GABBR2: variants seen among roughly 807,000 people sequenced by gnomAD.
The protein encoded by GABBR2 is gamma-aminobutyric acid type B receptor subunit 2.
In GABBR2, 23 loss-of-function variants were observed where a neutral mutation model predicts 105.6. The observed-to-expected ratio is 0.22, with a 90% confidence interval of 0.16 to 0.31. GABBR2 has a LOEUF of 0.31. GABBR2 is among the 10% of genes least tolerant of loss of function. The pLI is 1.00. For synonymous variants in GABBR2, 478 were observed against 499.7 expected (o/e 0.96, Z 0.58); for missense variants, 734 against 1,245.5 (o/e 0.59, Z 6.18).
intron 3 of GABBR2, among the ~76,000 whole-genome samples, chr9:98,504,302 C>T (rs114097790): frequency 0.013 from 1,942 of 152,280 alleles, 43 homozygotes; most frequent in African/African-American, 0.044. Context: ...CCACGTGTCC[C>T]ACACAGAGAA....
chr9:98,629,161 T>C (rs1829784506), intron 1 of GABBR2, among the ~76,000 whole-genome samples: 1 of 152,218 alleles, frequency 6.6e-6, no homozygotes, highest in Non-Finnish European at 1.5e-5. Flanking sequence ...TGAGGTTTAA[T>C]GAGCAAAGGA....
intron 7 of GABBR2, among the ~76,000 whole-genome samples, chr9:98,436,802 A>G (rs1279103458): frequency 6.6e-6 from 1 of 152,188 alleles, no homozygotes; most frequent in Non-Finnish European, 1.5e-5. Context: ...ACAGTAATCA[A>G]GTCTGTCACA....
At chr9:98,575,995 T>C (rs577733514) in intron 2 of GABBR2, among the ~76,000 whole-genome samples, 11 of 152,190 alleles carry the variant, frequency 7.2e-5, no homozygotes, top group Non-Finnish European at 1.5e-4. Context: ...TTCATGCACC[T>C]ACCATAGCAC....
rs1196842685 is a variant in GABBR2, at chr9:98,299,246, C to G, written c.2520G>C (p.Leu840=). 1.9e-6 allele frequency: 3 copies of G among 1,614,100 alleles called. No homozygotes were observed. Among genetic ancestry groups the G allele is most frequent in the Non-Finnish European group, 2.5e-6 (3 of 1,180,026 alleles). The change falls in exon 17 of 19, where the codon CTG becomes CTC. Residue 840 remains leucine, a synonymous_variant. Transcript: ENST00000259455. ...TACCTGTGCTCTCAGTGAAGTTTCCCAGGTTGAGGATGTCATTGAGCTCTT... is the reference window on the plus strand; with the variant it reads ...TACCTGTGCTCTCAGTGAAGTTTCCGAGGTTGAGGATGTCATTGAGCTCTT... ...HYQELNDILN[L]GNFTESTDGG...
intron 3 of GABBR2, among the ~76,000 whole-genome samples, chr9:98,536,556 T>C (rs1481018153): frequency 6.6e-6 from 1 of 151,974 alleles, no homozygotes. Context: ...CCAAGCCCTA[T>C]CTCCCTCCTG....
intron 7 of GABBR2, among the ~76,000 whole-genome samples, chr9:98,414,603 T>C (rs756866551): frequency 6.6e-6 from 1 of 152,140 alleles, no homozygotes; most frequent in Non-Finnish European, 1.5e-5. Flanking sequence ...TATCAAAGGT[T>C]AGAACAAGTG....
At chr9:98,514,794 TATA>T (rs1347601187) in intron 3 of GABBR2, among the ~76,000 whole-genome samples, 1 of 152,068 alleles carries the variant, frequency 6.6e-6, no homozygotes, top group African/African-American at 2.4e-5. Context: ...AAACTTAAAG[TATA>T]ATAATAATAA....
chr9:98,294,692 G>A (rs904932976), intron 17 of GABBR2, among the ~76,000 whole-genome samples: 10 of 152,074 alleles, frequency 6.6e-5, no homozygotes, highest in Non-Finnish European at 1.5e-4. Flanking sequence ...TGGTCAGGGT[G>A]GTCTCGAACT....
intron 1 of GABBR2, among the ~76,000 whole-genome samples, chr9:98,629,940 T>C (rs1207920629): frequency 6.6e-6 from 1 of 152,214 alleles, no homozygotes; most frequent in Non-Finnish European, 1.5e-5. Flanking sequence ...TTCTCCAATC[T>C]ACAAGGTTTT....
At chr9:98,535,802 C>T (rs955653513) in intron 3 of GABBR2, among the ~76,000 whole-genome samples, 5 of 152,086 alleles carry the variant, frequency 3.3e-5, no homozygotes, top group African/African-American at 1.2e-4. Flanking sequence ...CCGTATGATT[C>T]CAACTAAACG....
intron 13 of GABBR2, among the ~76,000 whole-genome samples, chr9:98,340,723 T>G (rs1330815828): frequency 6.6e-6 from 1 of 152,192 alleles, no homozygotes; most frequent in Non-Finnish European, 1.5e-5. Context: ...AGCACCCTGA[T>G]GATGAACCAT....
chr9:98,390,375 C>CAAAAAAAAAAAAAAAAAAAAAAAAAAA (rs61216428), intron 9 of GABBR2, among the ~76,000 whole-genome samples: 2 of 32,438 alleles, frequency 6.2e-5, no homozygotes, highest in African/African-American at 1.0e-4. Flanking sequence ...CTCCATCTCA[C>CAAAAAAAAAAAAAAAAAAAAAAAAAAA]AAAAAAAAAA....
At chr9:98,309,618 C>A (rs951309654) in intron 14 of GABBR2, among the ~76,000 whole-genome samples, 4 of 152,224 alleles carry the variant, frequency 2.6e-5, no homozygotes, top group Non-Finnish European at 4.4e-5. Flanking sequence ...TCTGTGCCAC[C>A]CATTGCTGAG....
intron 11 of GABBR2, among the ~76,000 whole-genome samples, 173 bp from the exon 12 acceptor site, chr9:98,371,744 T>C (rs999647652): frequency 2.6e-5 from 4 of 152,222 alleles, no homozygotes; most frequent in Non-Finnish European, 5.9e-5. Context: ...AGGCATTTAG[T>C]TCTATCAGCC....
In GABBR2 at chr9:98,305,808, G is replaced by GA. The variant is rs773132850; in HGVS notation, c.2229+312dup. ...CTCCAGCCTGGGTGGCAGAGTGAGGGAAAAAAAAAAAAGGCATCATCTCCT... is the reference window on the plus strand; with the variant it reads ...CTCCAGCCTGGGTGGCAGAGTGAGGGAAAAAAAAAAAAAGGCATCATCTCCT... On this transcript the variant is annotated intron_variant, in intron 15 of 18. Coordinates refer to ENST00000259455, the MANE Select transcript of GABBR2 (RefSeq NM_005458.8). Among the ~76,000 whole-genome samples, 2,848 of 136,784 alleles carry GA rather than the reference G, an allele frequency of 0.021. 78 individuals carry two copies. Among genetic ancestry groups the GA allele is most frequent in the African/African-American group, 0.065 (2,470 of 37,922 alleles). The allele number at this position is 136,784 out of a possible 152,430, so 89.7% of individuals were successfully genotyped here.
At chr9:98,612,215 A>C (rs550905647) in intron 1 of GABBR2, among the ~76,000 whole-genome samples, 1 of 152,376 alleles carries the variant, frequency 6.6e-6, no homozygotes, top group South Asian at 2.1e-4. Context: ...GGCAGAGAGC[A>C]CAGATGCAGT....
chr9:98,601,479 T>C (rs1829334417), intron 1 of GABBR2, among the ~76,000 whole-genome samples: 1 of 152,138 alleles, frequency 6.6e-6, no homozygotes, highest in Non-Finnish European at 1.5e-5. Flanking sequence ...AAAATGCCAC[T>C]GCACTCCAAC....
chr9:98,405,622 C>A (rs139146030), intron 8 of GABBR2, among the ~76,000 whole-genome samples: 2 of 152,288 alleles, frequency 1.3e-5, no homozygotes, highest in Non-Finnish European at 2.9e-5. Flanking sequence ...AATCCCCCAA[C>A]GACCAAGTCC....
At chr9:98,331,396 C>CTTTTTTTT (rs142735341) in intron 13 of GABBR2, among the ~76,000 whole-genome samples, 98 of 75,982 alleles carry the variant, frequency 1.3e-3, no homozygotes, top group Non-Finnish European at 1.5e-3. Context: ...AGTCCCTCTT[C>CTTTTTTTT]TTTTTTTTTT....
Sources: allele counts gnomAD v4.1 joint callset (sites outside exome capture counted in the v4.1 genomes callset), GRCh38; gene constraint gnomAD v4.1.1; transcripts MANE v1.5; gene names NCBI Gene and HGNC (gene_info 2026-07-23, HGNC 2026-07-21).